TTC39A: variants seen among roughly 807,000 people sequenced by gnomAD.
TTC39A encodes the protein tetratricopeptide repeat protein 39A.
In TTC39A, 46 loss-of-function variants were observed where a neutral mutation model predicts 82.3. The ratio of observed to expected loss-of-function variants is 0.56; its 90% CI spans 0.44 to 0.71. The LOEUF (loss-of-function observed/expected upper bound fraction) is 0.71, where lower values mean the gene tolerates loss of function less well. Among genes scored for constraint, TTC39A ranks in the 30% least tolerant of loss-of-function variants. The pLI is 0.00. For synonymous variants in TTC39A, 254 were observed against 275.2 expected (o/e 0.92, Z 0.76); for missense variants, 543 against 712.9 (o/e 0.76, Z 2.71).
chr1:51,335,491 G>T (rs1456769207), upstream of TTC39A, among the ~76,000 whole-genome samples: 32 of 149,600 alleles, frequency 2.1e-4, no homozygotes, highest in Non-Finnish European at 7.4e-5. Flanking sequence ...AACCCGGGAG[G>T]TGGAGCTTGC....
intron 3 of TTC39A, 50 bp downstream of exon 3, chr1:51,312,762 C>G (rs1645132091): frequency 6.3e-7 from 1 of 1,595,210 alleles, no homozygotes; most frequent in Admixed American, 1.7e-5. Context: ...GCCAGGGTGA[C>G]AGCAGGGTGG....
intron 6 of TTC39A, among the ~76,000 whole-genome samples, chr1:51,307,163 G>A (rs182812294): frequency 2.6e-5 from 4 of 152,292 alleles, no homozygotes; most frequent in Admixed American, 2.6e-4. Flanking sequence ...GGAAGAACTT[G>A]GCAATAACCC....
At chr1:51,344,893 C>A in intron 1 of TTC39A, 3 of 1,423,132 alleles carry the variant, frequency 2.1e-6, no homozygotes, top group South Asian at 1.3e-5. Context: ...CTTTCCCCAG[C>A]TGTGCCTCTC....
rs777440196 is a variant in TTC39A, at chr1:51,296,104, C to T, written c.1120G>A (p.Gly374Arg). ...CGAAATAATTCCACTTCGTCGTCCC[C>T]GAACGGCTTGTGGTCCTCCTTCCCA... ...MFGKEDHKPF[G>R]DDEVELFRAV... Residue 374 changes from glycine (G) to arginine (R), a missense_variant, in exon 13 of 18, where the codon GGG (glycine) becomes AGG (arginine). Gly to Arg is a moderately radical substitution (Grantham distance 125). Coordinates refer to ENST00000680483, the MANE Select transcript of TTC39A (RefSeq NM_001297663.2). The T allele has an allele frequency of 1.9e-6, 3 of 1,597,062 alleles. No individual in the cohort carries two copies. Among genetic ancestry groups the T allele is most frequent in the South Asian group, 1.1e-5 (1 of 87,926 alleles).
At chr1:51,309,441 G>T (rs768759234) in intron 5 of TTC39A, 116 bp from the exon 6 acceptor site, 1 of 1,548,708 alleles carries the variant, frequency 6.5e-7, no homozygotes. Flanking sequence ...CTGGGGGGAT[G>T]AGGTCGGAGG....
In TTC39A at chr1:51,294,412, G is replaced by GAT. The variant is rs761716379; in HGVS notation, c.1243_1244dup (p.Leu417ArgfsTer9). On this transcript the variant is annotated frameshift_variant, in exon 14 of 18. Transcript: ENST00000680483. LOFTEE classifies it high-confidence loss of function. This position sits in a 1 kb window ranked among gnomAD's most constrained non-coding sequence, Gnocchi z 4.3. ...CCACCAGAGCAGGCACTGGCAGCGA[G>GAT]ATAGGGTTGGAGGAGAAGTAGCGCC... 20 of 1,613,930 alleles carry GAT rather than the reference G, an allele frequency of 1.2e-5. No individual in the cohort carries two copies. The highest frequency in any genetic ancestry group is 1.7e-6 in the Non-Finnish European group (2 of 1,179,908).
intron 2 of TTC39A, among the ~76,000 whole-genome samples, chr1:51,317,476 C>G (rs1196203782): frequency 6.6e-6 from 1 of 152,084 alleles, no homozygotes; most frequent in Admixed American, 6.6e-5. Context: ...GGGCCTGGTG[C>G]GCTGGCTCAC....
intron 2 of TTC39A, among the ~76,000 whole-genome samples, chr1:51,313,299 T>C (rs899628916): frequency 1.3e-5 from 2 of 152,088 alleles, no homozygotes; most frequent in African/African-American, 4.8e-5. Context: ...TGCCACCCTC[T>C]TGCCTTCTGC....
intron 2 of TTC39A, among the ~76,000 whole-genome samples, chr1:51,315,526 C>G (rs1469794894): frequency 6.6e-6 from 1 of 152,178 alleles, no homozygotes; most frequent in Non-Finnish European, 1.5e-5. Flanking sequence ...CTTGGCCTCT[C>G]CAAGTCTCTT....
At chr1:51,297,922 G>A (rs1010382718) in intron 12 of TTC39A, 11 of 152,852 alleles carry the variant, frequency 7.2e-5, no homozygotes, top group African/African-American at 2.7e-4. Context: ...GCGGTTCCCA[G>A]GACACATCAA....
intron 4 of TTC39A, 72 bp downstream of exon 4, chr1:51,312,047 A>G: frequency 2.0e-6 from 3 of 1,498,450 alleles, no homozygotes; most frequent in Non-Finnish European, 2.7e-6. Flanking sequence ...AGGGAAGAAA[A>G]CTGCCCCTTC....
intron 12 of TTC39A, chr1:51,296,967 C>T (rs917802094): frequency 6.6e-6 from 1 of 152,508 alleles, no homozygotes; most frequent in African/African-American, 2.4e-5. Context: ...GAGACAGGAG[C>T]CTGGCTCTGT....
intron 5 of TTC39A, among the ~76,000 whole-genome samples, chr1:51,310,132 G>A (rs1225810402): frequency 6.6e-6 from 1 of 152,088 alleles, no homozygotes; most frequent in African/African-American, 2.4e-5. Flanking sequence ...AAATTAGCTG[G>A]AGGCTGAGGC....
At chr1:51,325,610 G>A (rs761090600) in intron 1 of TTC39A, among the ~76,000 whole-genome samples, 35 of 152,272 alleles carry the variant, frequency 2.3e-4, no homozygotes, top group Admixed American at 8.5e-4. Flanking sequence ...CACAGAGGAC[G>A]GGTAACTTGG....
At position 51,288,400 on chromosome 1, in the gene TTC39A, CAG is replaced by C; in HGVS notation, c.1611-122_1611-121del. ...AGGATTGTAGAGAAATTAATGTGTC[CAG>C]AGAGAGTTGAGCCCTACCCAATGGG... On this transcript the variant is annotated intron_variant, in intron 17 of 17. Transcript: ENST00000680483. The surrounding 1 kb of genome is among the most constrained non-coding windows in gnomAD (Gnocchi z 4.8). 1 of 1,504,382 alleles carries C rather than the reference CAG, an allele frequency of 6.6e-7. No homozygotes were observed. The highest frequency in any genetic ancestry group is 2.3e-5 in the East Asian group (1 of 43,634). 93.2% of individuals were successfully genotyped at this position (1,504,382 alleles called of 1,614,324 possible).
chr1:51,331,910 G>C, upstream of TTC39A: 1 of 768,078 alleles, frequency 1.3e-6, no homozygotes, highest in South Asian at 5.9e-5. Context: ...CATGGAGAGG[G>C]TGTACCAGAT....
intron 5 of TTC39A, among the ~76,000 whole-genome samples, chr1:51,309,812 C>T (rs1056662981): frequency 6.6e-6 from 1 of 152,046 alleles, no homozygotes; most frequent in African/African-American, 2.4e-5. Flanking sequence ...AAATGGCCAC[C>T]AGCAGAAGGA....
At chr1:51,297,897 C>A (rs1339793560) in intron 12 of TTC39A, 3 of 152,720 alleles carry the variant, frequency 2.0e-5, no homozygotes, top group African/African-American at 7.2e-5. Flanking sequence ...ACTCCAGCCA[C>A]ACGACGGCCT....
intron 6 of TTC39A, 128 bp from the exon 7 acceptor site, chr1:51,306,204 A>G: frequency 1.4e-6 from 1 of 700,260 alleles, no homozygotes; most frequent in Non-Finnish European, 2.4e-6. Context: ...TAATCCTGAG[A>G]GCTGGTATTT....
Sources: allele counts gnomAD v4.1 joint callset (sites outside exome capture counted in the v4.1 genomes callset), GRCh38; gene constraint gnomAD v4.1.1; non-coding constraint Gnocchi (gnomAD v3.1); transcripts MANE v1.5; gene names NCBI Gene and HGNC (gene_info 2026-07-23, HGNC 2026-07-21).